Variants in PDILT observed in about 807,000 individuals in gnomAD.
PDILT encodes the protein protein disulfide-isomerase-like protein of the testis.
In PDILT, 43 loss-of-function variants were observed where a neutral mutation model predicts 53.7. That is an observed-to-expected ratio of 0.80 (90% CI 0.63 to 1.03). PDILT has a LOEUF of 1.03. PDILT is among the 50% of genes least tolerant of loss of function. The pLI is 0.00. For synonymous variants in PDILT, 282 were observed against 274.2 expected (o/e 1.03, Z -0.28); for missense variants, 727 against 712.3 (o/e 1.02, Z -0.24).
intron 3 of PDILT, among the ~76,000 whole-genome samples, chr16:20,380,604 G>A (rs868552826): frequency 2.9e-4 from 44 of 152,304 alleles, no homozygotes; most frequent in Middle Eastern, 3.4e-3. Context: ...CCAAAGTGCT[G>A]GGATTACAGG....
At chr16:20,400,380 G>A (rs1198233957) in intron 1 of PDILT, among the ~76,000 whole-genome samples, 1 of 144,504 alleles carries the variant, frequency 6.9e-6, no homozygotes. Context: ...CAGCCTGAAT[G>A]TATATTTTTA....
chr16:20,383,558 T>C lies in PDILT; in HGVS notation c.409+1087A>G, dbSNP rs57024174. 5.7e-3 allele frequency among the ~76,000 whole-genome samples: 866 copies of C among 151,900 alleles called. 7 individuals carry two copies. The highest frequency in any genetic ancestry group is 0.017 in the African/African-American group (711 of 41,420). ...GAGGTTCTCTTGTGGCGCCTTTCTC[T>C]GGGTCTATCCTGTGTCTTTCATGCC... On this transcript the variant is annotated intron_variant, in intron 3 of 11. Coordinates refer to ENST00000302451, the MANE Select transcript of PDILT (RefSeq NM_174924.2).
chr16:20,404,627 G>C lies in PDILT; in HGVS notation c.-139C>G, dbSNP rs1055329618. 6.6e-6 allele frequency: 1 copy of C among 152,264 alleles called. No individual in the cohort carries two copies. Among genetic ancestry groups the C allele is most frequent in the Non-Finnish European group, 1.5e-5 (1 of 68,102 alleles). 9.4% of individuals were successfully genotyped at this position (152,264 alleles called of 1,614,324 possible). On this transcript the variant is annotated 5_prime_UTR_variant, in exon 1 of 12. Coordinates refer to ENST00000302451, the MANE Select transcript of PDILT (RefSeq NM_174924.2). ...AAGAGGAGGCTCCTGGCTTCTCCTT[G>C]TGATCAGGGCAGGACCCGCAGACGA...
chr16:20,376,120 T>G lies in PDILT; in HGVS notation c.491A>C (p.Gln164Pro), dbSNP rs1185479483. ...CCTGGATATCACAAACTCTGCCACC[T>G]GCTCGCTGCTGTTGAACAAAAATGC... ...QKAFLFNSSEQVAEFVISRPL... is the reference protein window; with the variant it reads ...QKAFLFNSSEPVAEFVISRPL... The change falls in exon 4 of 12, where the codon CAG (glutamine) becomes CCG (proline). Residue 164 changes from glutamine to proline, a missense_variant. Physicochemically the swap from Gln to Pro is moderately conservative, Grantham distance 76. Transcript: ENST00000302451. 6.2e-7 allele frequency: 1 copy of G among 1,614,202 alleles called. No individual in the cohort carries two copies. Among genetic ancestry groups the G allele is most frequent in the Non-Finnish European group, 8.5e-7 (1 of 1,180,030 alleles).
intron 6 of PDILT, 22 bp downstream of exon 6, chr16:20,372,990 C>G: frequency 6.2e-7 from 1 of 1,613,644 alleles, no homozygotes; most frequent in South Asian, 1.1e-5. Flanking sequence ...CCCCTTCCTC[C>G]GGGGACCATT....
At chr16:20,380,472 G>T (rs1048163318) in intron 3 of PDILT, among the ~76,000 whole-genome samples, 16 of 152,058 alleles carry the variant, frequency 1.1e-4, no homozygotes, top group Non-Finnish European at 1.8e-4. Context: ...GAGTAGCTGA[G>T]ATTACAGGTG....
intron 2 of PDILT, among the ~76,000 whole-genome samples, chr16:20,396,482 G>A (rs921587118): frequency 6.6e-6 from 1 of 152,048 alleles, no homozygotes; most frequent in Non-Finnish European, 1.5e-5. Flanking sequence ...TCTATCACTG[G>A]GCATTACGTG....
At chr16:20,402,376 G>A (rs1966754485) in intron 1 of PDILT, among the ~76,000 whole-genome samples, 1 of 151,574 alleles carries the variant, frequency 6.6e-6, no homozygotes, top group Admixed American at 6.6e-5. Context: ...TCGGCTCTCT[G>A]CAACCTGCGT....
At chr16:20,369,448 T>G in intron 8 of PDILT, 44 bp downstream of exon 8, 1 of 1,558,828 alleles carries the variant, frequency 6.4e-7, no homozygotes, top group Admixed American at 1.7e-5. Context: ...GAGAAGGAGA[T>G]GATTTTGAGG....
At chr16:20,371,025 T>C (rs1966299308) in intron 7 of PDILT, among the ~76,000 whole-genome samples, 1 of 152,260 alleles carries the variant, frequency 6.6e-6, no homozygotes, top group Admixed American at 6.5e-5. Flanking sequence ...CATTCTTTTA[T>C]TCCTGTACTT....
intron 3 of PDILT, among the ~76,000 whole-genome samples, chr16:20,379,905 C>T (rs1181539113): frequency 6.6e-6 from 1 of 152,184 alleles, no homozygotes; most frequent in Non-Finnish European, 1.5e-5. Context: ...AGCCTCAACA[C>T]TGAGTTTCTG....
At chr16:20,387,779 C>A (rs1966559357) in intron 2 of PDILT, among the ~76,000 whole-genome samples, 1 of 152,016 alleles carries the variant, frequency 6.6e-6, no homozygotes, top group Non-Finnish European at 1.5e-5. Context: ...CACCACCAGG[C>A]CCTGCTAATA....
chr16:20,379,985 T>C (rs1467847178), intron 3 of PDILT, among the ~76,000 whole-genome samples: 2 of 152,256 alleles, frequency 1.3e-5, no homozygotes, highest in African/African-American at 4.8e-5. Flanking sequence ...TCTTATATGC[T>C]TTTGTCTGGC....
intron 10 of PDILT, among the ~76,000 whole-genome samples, chr16:20,361,020 G>C (rs551485836): frequency 1.3e-5 from 2 of 152,310 alleles, no homozygotes; most frequent in East Asian, 3.9e-4. Context: ...AGGATTAAAT[G>C]AGGTAATGTA....
At position 20,397,210 on chromosome 16, in the gene PDILT, G is replaced by T. The variant is rs534016314; in HGVS notation, c.202+1889C>A. ...GAGTGCAGTGGCATGATCACGGGTC[G>T]CTGCAGTCTTGACCTCCTGGGCTCA... On this transcript the variant is annotated intron_variant, in intron 2 of 11. Transcript: ENST00000302451. 7.9e-5 allele frequency among the ~76,000 whole-genome samples: 12 copies of T among 152,120 alleles called. No homozygotes were observed. The East Asian group carries it at 2.3e-3, about 29-fold the overall frequency.
chr16:20,359,669 C>T lies in PDILT; in HGVS notation c.1507-102G>A, dbSNP rs544021245. ...CATCATTGTGGTTGTAATAGTCAAG[C>T]CTACTTTTTCTGAAAGTGCCCAGAG... On this transcript the variant is annotated intron_variant, in intron 11 of 11. Transcript: ENST00000302451. 92 of 1,183,822 alleles carry T rather than the reference C, an allele frequency of 7.8e-5. No homozygotes were observed. The African/African-American group carries it at 1.3e-3, about 16-fold the overall frequency. 73.3% of individuals were successfully genotyped at this position (1,183,822 alleles called of 1,614,324 possible). A position where few individuals can be genotyped will look rare whatever the true frequency, so the allele number is the denominator to read the frequency against.
chr16:20,399,442 C>A (rs1966703396), intron 1 of PDILT, 135 bp from the exon 2 acceptor site: 3 of 876,098 alleles, frequency 3.4e-6, no homozygotes, highest in Admixed American at 2.3e-5. Context: ...GCAATGCCTG[C>A]AGCTTGGCAG....
chr16:20,375,583 T>C (rs911917335), intron 4 of PDILT, among the ~76,000 whole-genome samples: 3 of 152,208 alleles, frequency 2.0e-5, no homozygotes, highest in Non-Finnish European at 4.4e-5. Context: ...TTATGAGACG[T>C]TTCATGATTG....
rs938208245 is a variant in PDILT at position 20,360,488 on chromosome 16, C to T, written c.1506+80G>A. 9 of 1,270,160 alleles carry T rather than the reference C, an allele frequency of 7.1e-6. No individual in the cohort carries two copies. The African/African-American group carries it at 1.3e-4, about 19-fold the overall frequency. The allele number at this position is 1,270,160 out of a possible 1,614,324, so 78.7% of individuals were successfully genotyped here. A position where few individuals can be genotyped will look rare whatever the true frequency, so the allele number is the denominator to read the frequency against. ...TCTCCCAAGATTATGGAACTCCAGC[C>T]ATACTCTTTTGTTGTCCATTAAGTT... On this transcript the variant is annotated intron_variant, in intron 11 of 11. Coordinates refer to ENST00000302451, the MANE Select transcript of PDILT (RefSeq NM_174924.2).
Sources: allele counts gnomAD v4.1 joint callset (sites outside exome capture counted in the v4.1 genomes callset), GRCh38; gene constraint gnomAD v4.1.1; transcripts MANE v1.5; gene names NCBI Gene and HGNC (gene_info 2026-07-23, HGNC 2026-07-21).